Variants in ENPP2 observed in about 807,000 individuals in gnomAD.
The protein encoded by ENPP2 is ectonucleotide pyrophosphatase/phosphodiesterase 2, also known as autotaxin.
A neutral mutation model predicts 120.2 loss-of-function variants in ENPP2; 51 were observed. The observed-to-expected ratio is 0.42, with a 90% CI of 0.34 to 0.54. ENPP2 has a LOEUF of 0.54. ENPP2 is among the 20% of genes least tolerant of loss of function. ENPP2 has a pLI of 0.04. For missense variants in ENPP2, 920 were observed against 1,066.5 expected (o/e 0.86, Z 1.91); for synonymous variants, 365 against 366.4 (o/e 1.00, Z 0.04).
chr8:119,619,857 T>C (rs1317539105), intron 4 of ENPP2, among the ~76,000 whole-genome samples: 1 of 151,984 alleles, frequency 6.6e-6, no homozygotes, highest in Admixed American at 6.6e-5. Context: ...TCCACCAAGA[T>C]CTAAGAGCAT....
intron 1 of ENPP2, among the ~76,000 whole-genome samples, chr8:119,660,362 G>A (rs905847348): frequency 6.6e-6 from 1 of 152,174 alleles, no homozygotes; most frequent in Non-Finnish European, 1.5e-5. Context: ...AATTCATAGG[G>A]GTAGAAGCTG....
intron 1 of ENPP2, among the ~76,000 whole-genome samples, chr8:119,647,960 A>G (rs1306114929): frequency 6.6e-6 from 1 of 152,140 alleles, no homozygotes; most frequent in Admixed American, 6.5e-5. Flanking sequence ...AGCCAAGATC[A>G]TGCCACTGCA....
chr8:119,572,300 A>T (rs754177958), intron 19 of ENPP2: 1 of 1,389,440 alleles, frequency 7.2e-7, no homozygotes, highest in South Asian at 1.2e-5. Flanking sequence ...TCTTTTCATC[A>T]TTTAAGTTTT....
At chr8:119,589,592 A>G (rs1813360525) in intron 13 of ENPP2, among the ~76,000 whole-genome samples, 1 of 152,196 alleles carries the variant, frequency 6.6e-6, no homozygotes, top group Non-Finnish European at 1.5e-5. Flanking sequence ...ACACAGGGAC[A>G]GGAAAGGTCA....
At chr8:119,648,907 C>T (rs1339073265) in intron 1 of ENPP2, among the ~76,000 whole-genome samples, 3 of 152,096 alleles carry the variant, frequency 2.0e-5, no homozygotes, top group African/African-American at 7.2e-5. Context: ...TAAATGAATG[C>T]CATCCAAATT....
At chr8:119,592,330 G>A (rs548495991) in intron 12 of ENPP2, among the ~76,000 whole-genome samples, 14 of 151,912 alleles carry the variant, frequency 9.2e-5, no homozygotes, top group East Asian at 3.9e-4. Context: ...AAATTTAGCC[G>A]GGCCTGGTGG....
At chr8:119,600,317 C>T (rs1188336230) in intron 11 of ENPP2, among the ~76,000 whole-genome samples, 1 of 152,092 alleles carries the variant, frequency 6.6e-6, no homozygotes, top group East Asian at 1.9e-4. Flanking sequence ...TTTTGCATTG[C>T]AGGTTTCATC....
intron 21 of ENPP2, 27 bp from the exon 22 acceptor site, chr8:119,568,279 A>C: frequency 7.8e-7 from 1 of 1,287,616 alleles, no homozygotes; most frequent in Non-Finnish European, 1.1e-6. Context: ...CAAATAGTAT[A>C]CGTTGCTTAC....
intron 2 of ENPP2, among the ~76,000 whole-genome samples, chr8:119,636,403 A>G (rs1817002334): frequency 1.3e-5 from 2 of 152,232 alleles, no homozygotes; most frequent in South Asian, 4.1e-4. Flanking sequence ...AAAATTATTC[A>G]GGCATATCCA....
chr8:119,662,754 T>C (rs925408221), intron 1 of ENPP2, among the ~76,000 whole-genome samples: 4 of 152,068 alleles, frequency 2.6e-5, no homozygotes, highest in African/African-American at 9.7e-5. Flanking sequence ...CAATCCCTGA[T>C]TTTGAGCGTT....
At chr8:119,604,275 G>T (rs193050921) in intron 9 of ENPP2, among the ~76,000 whole-genome samples, 3 of 151,968 alleles carry the variant, frequency 2.0e-5, no homozygotes, top group Non-Finnish European at 4.4e-5. Context: ...TGATCCACCC[G>T]CTTCAGCCTC....
chr8:119,610,766 C>T (rs961830859), intron 8 of ENPP2, among the ~76,000 whole-genome samples: 36 of 151,710 alleles, frequency 2.4e-4, no homozygotes, highest in African/African-American at 8.2e-4. Context: ...AGCCAGGAGT[C>T]GTGATAGGCA....
In ENPP2 at chr8:119,638,442, TC is replaced by T; in HGVS notation, c.118del (p.Glu40ArgfsTer56). The T allele has an allele frequency of 6.2e-7, 1 of 1,600,340 alleles. No homozygotes were observed. The highest frequency in any genetic ancestry group is 1.1e-5 in the South Asian group (1 of 90,788). On this transcript the variant is annotated frameshift_variant, in exon 2 of 25. Coordinates refer to ENST00000075322, the MANE Select transcript of ENPP2 (RefSeq NM_001040092.3). LOFTEE classifies it high-confidence loss of function. Reference protein sequence around the residue: ...AHRIKRAEGWEEGPPTVLSDS... With the variant: ...AHRIKRAEGWXEGPPTVLSDS... ...ACACTTACCTGTAGGAGGACCTTCC[TC>T]CCATCCTTCTGCTCTCTTAATTCGA...
chr8:119,606,084 T>A (rs1814699835), intron 9 of ENPP2, among the ~76,000 whole-genome samples: 1 of 152,210 alleles, frequency 6.6e-6, no homozygotes, highest in South Asian at 2.1e-4. Flanking sequence ...TTTTTTAAGT[T>A]TTCAGAATAT....
At chr8:119,657,088 C>T (rs1003628615) in intron 1 of ENPP2, among the ~76,000 whole-genome samples, 50 of 152,132 alleles carry the variant, frequency 3.3e-4, no homozygotes, top group African/African-American at 1.0e-3. Context: ...CCATGCCCGG[C>T]TAATTTCTGT....
chr8:119,668,434 T>TC (rs1283752426), intron 1 of ENPP2, among the ~76,000 whole-genome samples: 10 of 143,654 alleles, frequency 7.0e-5, no homozygotes, highest in African/African-American at 2.6e-4. Context: ...TTTTTCTTTT[T>TC]TTTTTTTTTT....
chr8:119,660,483 T>C (rs2130894663), intron 1 of ENPP2, among the ~76,000 whole-genome samples: 1 of 152,300 alleles, frequency 6.6e-6, no homozygotes. Context: ...AAGGACAGTA[T>C]TTAACAAGAA....
chr8:119,590,955 A>G (rs1242407149), intron 12 of ENPP2, among the ~76,000 whole-genome samples: 1 of 149,126 alleles, frequency 6.7e-6, no homozygotes. Context: ...AACAACAAAC[A>G]TAACTATTGA....
chr8:119,629,653 G>A (rs973807460), intron 2 of ENPP2, among the ~76,000 whole-genome samples: 12 of 152,156 alleles, frequency 7.9e-5, no homozygotes, highest in Non-Finnish European at 1.2e-4. Context: ...CAAACCGTAC[G>A]AGTTCAGTTT....
Sources: allele counts gnomAD v4.1 joint callset (sites outside exome capture counted in the v4.1 genomes callset), GRCh38; gene constraint gnomAD v4.1.1; transcripts MANE v1.5; gene names NCBI Gene and HGNC (gene_info 2026-07-23, HGNC 2026-07-21).